The following DAB1 variants were observed in gnomAD, a reference collection of about 807,000 sequenced individuals.
DAB1 encodes disabled homolog 1.
A neutral mutation model predicts 64.6 loss-of-function variants in DAB1; 15 were observed. That is an observed-to-expected ratio of 0.23 (90% CI 0.16 to 0.36). The LOEUF is 0.36. DAB1 is among the 10% of genes least tolerant of loss of function. DAB1 has a pLI of 1.00. For synonymous variants in DAB1, 235 were observed against 251.9 expected (o/e 0.93, Z 0.64); for missense variants, 596 against 706.7 (o/e 0.84, Z 1.78).
At chr1:58,227,382 G>A (rs896578253) in intron 4 of DAB1, among the ~76,000 whole-genome samples, 1 of 152,180 alleles carries the variant, frequency 6.6e-6, no homozygotes, top group Non-Finnish European at 1.5e-5. Flanking sequence ...TTGGTTGAGC[G>A]AGGCATTCCA....
chr1:58,385,384 C>T (rs190748917), intron 3 of DAB1, among the ~76,000 whole-genome samples: 118 of 152,224 alleles, frequency 7.8e-4, no homozygotes, highest in African/African-American at 2.7e-3. Context: ...CTCACTAGAC[C>T]CCTGCTGACC....
Position 57,247,865 on chromosome 1 carries a change from A to G in DAB1, c.67+43099T>C, listed in dbSNP as rs533393584. ...CAGCCCCATGAAAACCTTGGAAGCT[A>G]CTTGTAGAAAATGGCAGAGCCTCCT... On this transcript the variant is annotated intron_variant, in intron 2 of 14. Coordinates refer to ENST00000371236, the MANE Select transcript of DAB1 (RefSeq NM_001365792.1). 4.6e-5 allele frequency among the ~76,000 whole-genome samples: 7 copies of G among 152,322 alleles called. No homozygotes were observed. In the South Asian group the frequency reaches 6.2e-4, roughly 14 times the overall value.
intron 7 of DAB1, among the ~76,000 whole-genome samples, chr1:57,544,233 G>A (rs996568841): frequency 6.6e-6 from 1 of 152,192 alleles, no homozygotes; most frequent in Non-Finnish European, 1.5e-5. Flanking sequence ...GCTAGTCACT[G>A]GCCGTAAGAA....
rs144538719 is a variant in DAB1 at position 58,173,822 on chromosome 1, C to T, written n.310-23234G>A. Among the ~76,000 whole-genome samples, 178 of 152,318 alleles carry T rather than the reference C, an allele frequency of 1.2e-3. 1 individual carries two copies. The highest frequency in any genetic ancestry group is 8.7e-3 in the Admixed American group (133 of 15,296). ...TAGTCTTTCTAAGTCCCAACATTAA[C>T]ATTGCCCCAGGAAATCAGACCCTAT... is the stretch of plus-strand genomic sequence containing the variant. On this transcript the variant is annotated intron_variant and non_coding_transcript_variant, in intron 4 of 20. Coordinates refer to the DAB1 transcript ENST00000485760.
intron 7 of DAB1, among the ~76,000 whole-genome samples, chr1:57,606,795 T>TATATATAG (rs1553199598): frequency 8.4e-4 from 112 of 133,168 alleles, no homozygotes; most frequent in Non-Finnish European, 1.3e-3. Flanking sequence ...CATATATATA[T>TATATATAG]AGAGAGAGAG....
At chr1:57,599,283 C>G (rs1164444990) in intron 7 of DAB1, among the ~76,000 whole-genome samples, 1 of 151,054 alleles carries the variant, frequency 6.6e-6, no homozygotes, top group Non-Finnish European at 1.5e-5. Flanking sequence ...AGAACCTGTA[C>G]TAAAAACATA....
At chr1:57,161,322 C>A (rs965493537) in intron 2 of DAB1, among the ~76,000 whole-genome samples, 2 of 152,094 alleles carry the variant, frequency 1.3e-5, no homozygotes. Flanking sequence ...AGAGAACAAC[C>A]AGAGCTAAAA....
chr1:57,936,673 C>G (rs10157227), intron 5 of DAB1, among the ~76,000 whole-genome samples: 61,137 of 151,714 alleles, frequency 0.4, 13,434 homozygotes, highest in Admixed American at 0.51. Flanking sequence ...AAAGTGCTGG[C>G]ATCATGTTAT....
chr1:57,777,821 G>A (rs10889071), intron 6 of DAB1, among the ~76,000 whole-genome samples: 28,897 of 151,732 alleles, frequency 0.19, 3,203 homozygotes, highest in Admixed American at 0.29. Flanking sequence ...CACATGTCCC[G>A]TCATTTTTTT....
At chr1:57,454,793 G>A (rs1015688212) in intron 7 of DAB1, among the ~76,000 whole-genome samples, 2 of 152,084 alleles carry the variant, frequency 1.3e-5, no homozygotes, top group Non-Finnish European at 2.9e-5. Flanking sequence ...CCTTTCACTC[G>A]CTTAACAGAC....
At chr1:58,005,278 G>A (rs1021931538) in intron 5 of DAB1, among the ~76,000 whole-genome samples, 2 of 152,052 alleles carry the variant, frequency 1.3e-5, no homozygotes, top group African/African-American at 2.4e-5. Flanking sequence ...TGGAAGGGCT[G>A]GGGGAAAGAG....
intron 7 of DAB1, among the ~76,000 whole-genome samples, chr1:57,514,223 T>C (rs1190136387): frequency 6.6e-6 from 1 of 152,232 alleles, no homozygotes; most frequent in African/African-American, 2.4e-5. Flanking sequence ...TGCTGGGTCA[T>C]ATGGTAGTTC....
At chr1:57,477,939 C>G (rs1558417736) in intron 7 of DAB1, among the ~76,000 whole-genome samples, 2 of 151,218 alleles carry the variant, frequency 1.3e-5, no homozygotes, top group Non-Finnish European at 3.0e-5. Flanking sequence ...TTCTAGGGTA[C>G]CTGTGCACAA....
At chr1:57,014,190 T>A (rs998837333) in intron 12 of DAB1, among the ~76,000 whole-genome samples, 2 of 152,234 alleles carry the variant, frequency 1.3e-5, no homozygotes, top group African/African-American at 4.8e-5. Context: ...AATAAAGTGC[T>A]TTGCCAAAAG....
At chr1:57,576,262 G>T (rs1221669882) in intron 7 of DAB1, among the ~76,000 whole-genome samples, 1 of 152,160 alleles carries the variant, frequency 6.6e-6, no homozygotes, top group Admixed American at 6.5e-5. Context: ...TAAGCTATGA[G>T]ATTTGGTAGG....
chr1:58,143,506 T>C (rs1570411055), intron 5 of DAB1, among the ~76,000 whole-genome samples: 1 of 152,258 alleles, frequency 6.6e-6, no homozygotes, highest in South Asian at 2.1e-4. Context: ...TTAAGAACGG[T>C]GTGGTTGGAC....
At chr1:57,169,380 T>C (rs1371780286) in intron 2 of DAB1, among the ~76,000 whole-genome samples, 1 of 152,230 alleles carries the variant, frequency 6.6e-6, no homozygotes, top group Admixed American at 6.5e-5. Context: ...GATCCCATAA[T>C]GTAGTCACTG....
intron 9 of DAB1, among the ~76,000 whole-genome samples, chr1:57,057,936 T>C (rs973847337): frequency 2.6e-5 from 4 of 152,168 alleles, no homozygotes; most frequent in African/African-American, 9.7e-5. Flanking sequence ...TCAGATTGTG[T>C]CCCTAATATT....
chr1:58,465,028 G>A (rs909616607), intron 3 of DAB1, among the ~76,000 whole-genome samples: 14 of 152,232 alleles, frequency 9.2e-5, no homozygotes, highest in African/African-American at 3.4e-4. Context: ...CTGACACAGT[G>A]TGAGGCACTG....
Sources: allele counts gnomAD v4.1 joint callset (sites outside exome capture counted in the v4.1 genomes callset), GRCh38; gene constraint gnomAD v4.1.1; transcripts MANE v1.5; gene names NCBI Gene and HGNC (gene_info 2026-07-23, HGNC 2026-07-21).